POLR3B: variants seen among roughly 807,000 people sequenced by gnomAD.
The protein encoded by POLR3B is DNA-directed RNA polymerase III subunit RPC2.
A neutral mutation model predicts 147.4 loss-of-function variants in POLR3B; 96 were observed. The observed-to-expected ratio is 0.65, with a 90% CI of 0.55 to 0.77. The LOEUF (loss-of-function observed/expected upper bound fraction) is 0.77. POLR3B is among the 30% of genes least tolerant of loss of function. POLR3B has a pLI of 0.00. For missense variants in POLR3B, 1,036 were observed against 1,413.5 expected, an observed-to-expected ratio of 0.73 and a Z score of 4.28; for synonymous variants, 461 against 485.9, an observed-to-expected ratio of 0.95 and a Z score of 0.67.
intron 18 of POLR3B, among the ~76,000 whole-genome samples, chr12:106,439,900 T>TA (rs550997775): frequency 2.6e-5 from 4 of 151,222 alleles, no homozygotes; most frequent in Non-Finnish European, 4.4e-5. Flanking sequence ...CTACTAAAAA[T>TA]AAAAAAAAGT....
At chr12:106,456,672 TC>T (rs1484650137) in intron 20 of POLR3B, among the ~76,000 whole-genome samples, 2 of 152,146 alleles carry the variant, frequency 1.3e-5, no homozygotes, top group African/African-American at 4.8e-5. Context: ...CTTGTGCTGT[TC>T]AACACAATTC....
intron 23 of POLR3B, among the ~76,000 whole-genome samples, chr12:106,490,739 C>T (rs1479827172): frequency 6.6e-6 from 1 of 152,162 alleles, no homozygotes; most frequent in East Asian, 1.9e-4. Context: ...TTAGCCTTAA[C>T]ATTTTGATTT....
chr12:106,454,709 G>C lies in POLR3B; in HGVS notation c.2291G>C (p.Arg764Thr), dbSNP rs1220444582. The part of the protein sequence containing the change: ...ALVLNKASLD[R>T]GFGRCLVYKN... Reference sequence around the variant, plus strand: ...GTTTTAAACAAGGCCTCTTTAGACAGAGGTAAGTGAATTTTCAAAACTAAC... The same window carrying C: ...GTTTTAAACAAGGCCTCTTTAGACACAGGTAAGTGAATTTTCAAAACTAAC... Residue 764 changes from arginine (R) to threonine (T), a missense_variant and splice_region_variant, in exon 20 of 28, where the codon AGA becomes ACA. This residue lies in a region of POLR3B where 202 missense variants were observed against 272.8 expected (regional missense o/e 0.74). Transcript: ENST00000228347. 1 of 1,578,770 alleles carries C rather than the reference G, an allele frequency of 6.3e-7. No homozygotes were observed. The highest frequency in any genetic ancestry group is 1.1e-5 in the South Asian group (1 of 90,402).
rs1035723967 is a variant in POLR3B at position 106,358,155 on chromosome 12, G to C, written c.72+204G>C. On this transcript the variant is annotated intron_variant, in intron 1 of 27. Coordinates refer to ENST00000228347, the MANE Select transcript of POLR3B (RefSeq NM_018082.6). The stretch of plus-strand genomic sequence containing the variant: ...GCGAGTGAAGGCTGATCCCAGAGGA[G>C]CTGTCAGCCGCTGCGGGGGCCGAGA... The C allele has an allele frequency of 2.8e-6, 4 of 1,446,188 alleles. No individual in the cohort carries two copies. The African/African-American group carries it at 5.7e-5, about 21-fold the overall frequency. The allele number at this position is 1,446,188 out of a possible 1,614,324, so 89.6% of individuals were successfully genotyped here.
intron 12 of POLR3B, among the ~76,000 whole-genome samples, chr12:106,415,989 T>C (rs1387568991): frequency 1.3e-5 from 2 of 152,154 alleles, no homozygotes; most frequent in Admixed American, 6.5e-5. Context: ...AGTTAAACCA[T>C]TGGAAGCTCT....
At chr12:106,390,832 A>C (rs974299857) in intron 9 of POLR3B, among the ~76,000 whole-genome samples, 5 of 152,184 alleles carry the variant, frequency 3.3e-5, no homozygotes, top group Admixed American at 3.3e-4. Context: ...TGGGAATTTA[A>C]GACTTGCTTA....
At chr12:106,358,310 C>T (rs2036418729) in intron 1 of POLR3B, 7 of 1,161,896 alleles carry the variant, frequency 6.0e-6, no homozygotes, top group Non-Finnish European at 7.6e-6. Context: ...GGCCAGGGAG[C>T]TCAGGCCATT....
At position 106,409,362 on chromosome 12, in the gene POLR3B, TTTTTTTTTTC is replaced by T. The variant is rs1438015868; in HGVS notation, c.967-1461_967-1452del. 3.7e-4 allele frequency among the ~76,000 whole-genome samples: 54 copies of T among 145,838 alleles called. 2 individuals carry two copies. Among genetic ancestry groups the T allele is most frequent in the African/African-American group, 1.2e-3 (48 of 38,894 alleles). On this transcript the variant is annotated intron_variant, in intron 11 of 27. Coordinates refer to ENST00000228347, the MANE Select transcript of POLR3B (RefSeq NM_018082.6). ...TGTAAGAGGGTTTTTTTTGTTTTTT[TTTTTTTTTTC>T]TTGAGGATGGACAAGAGCCTTTTCT...
rs150048383 is a variant in POLR3B at position 106,423,898 on chromosome 12, C to T, written c.1102-3299C>T. 1.1e-3 allele frequency among the ~76,000 whole-genome samples: 161 copies of T among 151,852 alleles called. 2 individuals are homozygous for T. Among genetic ancestry groups the T allele is most frequent in the African/African-American group, 3.8e-3 (157 of 41,418 alleles). On this transcript the variant is annotated intron_variant, in intron 12 of 27. Coordinates refer to ENST00000228347, the MANE Select transcript of POLR3B (RefSeq NM_018082.6). ...CGGGACAAGAGTCTTGCTCTGTTGC[C>T]CAGGCTAGAGTGCAGTGGCACAATC...
intron 11 of POLR3B, among the ~76,000 whole-genome samples, chr12:106,409,334 G>A (rs557175384): frequency 1.6e-5 from 2 of 128,638 alleles, no homozygotes; most frequent in Admixed American, 8.0e-5. Flanking sequence ...CTGGTGTTAC[G>A]ATTGTAAGAG....
intron 19 of POLR3B, among the ~76,000 whole-genome samples, chr12:106,451,784 C>T (rs1453575210): frequency 6.6e-6 from 1 of 152,126 alleles, no homozygotes; most frequent in Non-Finnish European, 1.5e-5. Context: ...CTTTTTCATG[C>T]TGCCTTATAA....
At chr12:106,378,193 A>T in intron 7 of POLR3B, 74 bp from the exon 8 acceptor site, 3 of 908,708 alleles carry the variant, frequency 3.3e-6, no homozygotes, top group Non-Finnish European at 5.6e-6. Context: ...TCTGATTCAC[A>T]AGATTCCTGC....
At chr12:106,450,293 G>C (rs1012832727) in intron 19 of POLR3B, among the ~76,000 whole-genome samples, 1 of 152,094 alleles carries the variant, frequency 6.6e-6, no homozygotes, top group African/African-American at 2.4e-5. Flanking sequence ...AGGAAACCTA[G>C]GTGAAAACCT....
intron 10 of POLR3B, among the ~76,000 whole-genome samples, chr12:106,403,924 C>T (rs1250756996): frequency 6.6e-6 from 1 of 151,630 alleles, no homozygotes; most frequent in African/African-American, 2.4e-5. Flanking sequence ...AACAAACCTG[C>T]ACATTGTGCA....
At chr12:106,431,533 T>C (rs529227184) in intron 14 of POLR3B, among the ~76,000 whole-genome samples, 5 of 152,342 alleles carry the variant, frequency 3.3e-5, no homozygotes, top group East Asian at 1.9e-4. Flanking sequence ...CCGGGTTGCA[T>C]AGATGTTTAA....
At chr12:106,428,882 T>C (rs1369917703) in intron 13 of POLR3B, among the ~76,000 whole-genome samples, 1 of 152,212 alleles carries the variant, frequency 6.6e-6, no homozygotes, top group African/African-American at 2.4e-5. Context: ...GAGCCAACTG[T>C]AATTTGTGAG....
At chr12:106,480,068 GT>G (rs1161468416) in intron 23 of POLR3B, among the ~76,000 whole-genome samples, 1 of 151,274 alleles carries the variant, frequency 6.6e-6, no homozygotes, top group Non-Finnish European at 1.5e-5. Flanking sequence ...ACCCAGGCTG[GT>G]CTCGAACTTC....
intron 10 of POLR3B, among the ~76,000 whole-genome samples, chr12:106,398,201 G>A (rs1004776205): frequency 2.0e-5 from 3 of 152,230 alleles, no homozygotes; most frequent in Non-Finnish European, 2.9e-5. Context: ...CACATGACTC[G>A]GAGGGTCCTA....
rs2038743439 is a variant in POLR3B, at chr12:106,509,594, T to C, written c.*45T>C. On this transcript the variant is annotated 3_prime_UTR_variant, in exon 28 of 28. Coordinates refer to ENST00000228347, the MANE Select transcript of POLR3B (RefSeq NM_018082.6). Reference sequence around the variant, plus strand: ...TAAAGAGAACAAGTGATACATCCAATGCAACGGAAAGCAGAAGGGATTTAG... The same window carrying C: ...TAAAGAGAACAAGTGATACATCCAACGCAACGGAAAGCAGAAGGGATTTAG... 5.8e-6 allele frequency: 9 copies of C among 1,557,952 alleles called. No individual in the cohort carries two copies. Among genetic ancestry groups the C allele is most frequent in the Non-Finnish European group, 7.9e-6 (9 of 1,132,404 alleles).
Sources: gnomAD v4.1 joint callset for allele counts (sites outside exome capture counted in the v4.1 genomes callset) on GRCh38, gnomAD v4.1.1 for gene constraint, gnomAD v4.1.1 regional missense constraint, MANE v1.5 for transcripts, NCBI Gene and HGNC (gene_info 2026-07-23, HGNC 2026-07-21) for gene names.